AGBL1: variants seen among roughly 807,000 people sequenced by gnomAD.
AGBL1 encodes AGBL carboxypeptidase 1, also known as cytosolic carboxypeptidase 4.
A neutral mutation model predicts 118.9 loss-of-function variants in AGBL1; 130 were observed. The ratio of observed to expected loss-of-function variants is 1.09; its 90% CI spans 0.95 to 1.26. The LOEUF is 1.26. Among genes scored for constraint, AGBL1 ranks in the 50% most tolerant of loss-of-function variants. The probability of loss-of-function intolerance (pLI) is 0.00; values close to 1 mark genes in which losing one functional copy is unlikely to be tolerated. For missense variants in AGBL1, 1,584 were observed against 1,298.1 expected, an observed-to-expected ratio of 1.22 and a Z score of -3.38; for synonymous variants, 555 against 478.9, an observed-to-expected ratio of 1.16 and a Z score of -2.08.
chr15:86,675,789 C>A (rs1019623500), intron 22 of AGBL1, among the ~76,000 whole-genome samples: 3 of 152,078 alleles, frequency 2.0e-5, no homozygotes, highest in African/African-American at 7.2e-5. Context: ...TCTTTTTCCC[C>A]CTCTCTCCTC....
At chr15:86,922,297 T>C (rs927756659) in intron 23 of AGBL1, among the ~76,000 whole-genome samples, 2 of 152,186 alleles carry the variant, frequency 1.3e-5, no homozygotes, top group African/African-American at 4.8e-5. Context: ...AGAAACATGT[T>C]GTTATTTTTC....
At chr15:86,085,813 G>A (rs1361358981) in intron 1 of AGBL1, among the ~76,000 whole-genome samples, 1 of 152,180 alleles carries the variant, frequency 6.6e-6, no homozygotes, top group Non-Finnish European at 1.5e-5. Context: ...TATTTTAGGG[G>A]CAGCATTCAG....
In AGBL1 at chr15:86,779,465, A is replaced by T. The variant is rs371834789; in HGVS notation, c.3158+105029A>T. ...TTTATTCCCTGAAATCTCAGTGGGC[A>T]TTTGGATAGTTTCTAGTGGGGGACC... On this transcript the variant is annotated intron_variant, in intron 22 of 22. Coordinates refer to ENST00000614907, the MANE Select transcript of AGBL1 (RefSeq NM_001386094.1). Among the ~76,000 whole-genome samples, 48 of 152,332 alleles carry T rather than the reference A, an allele frequency of 3.2e-4. 1 individual carries two copies. The South Asian group carries it at 9.5e-3, about 30-fold the overall frequency.
At chr15:86,835,167 A>G (rs1030914460) in intron 22 of AGBL1, among the ~76,000 whole-genome samples, 2 of 152,128 alleles carry the variant, frequency 1.3e-5, no homozygotes, top group Non-Finnish European at 2.9e-5. Flanking sequence ...GGTGTATACT[A>G]TTTGATCCCC....
In AGBL1 at chr15:86,290,343, C is replaced by CTTT. The variant is rs559169172; in HGVS notation, c.2221-4897_2221-4895dup. Among the ~76,000 whole-genome samples, 100 of 134,334 alleles carry CTTT rather than the reference C, an allele frequency of 7.4e-4. 1 individual carries two copies. The South Asian group carries it at 0.022, about 29-fold the overall frequency. The allele number at this position is 134,334 out of a possible 152,430, so 88.1% of individuals were successfully genotyped here. ...GTGTCTTCAAGTCCTTCTTTTCTTT[C>CTTT]TTTTTTTTTTTTTTTTTCTATTTTT... On this transcript the variant is annotated intron_variant, in intron 16 of 22. Transcript: ENST00000614907.
intron 1 of AGBL1, chr15:86,086,395 G>T (rs1340796829): frequency 6.6e-6 from 1 of 152,132 alleles, no homozygotes; most frequent in Non-Finnish European, 1.5e-5. Flanking sequence ...AAAGTGGAGG[G>T]TTTGTGGGGT....
At chr15:86,937,186 A>G (rs1308181401) in intron 23 of AGBL1, among the ~76,000 whole-genome samples, 5 of 152,224 alleles carry the variant, frequency 3.3e-5, no homozygotes, top group African/African-American at 4.8e-5. Context: ...TAACGGGAAC[A>G]CTTATTCACT....
intron 1 of AGBL1, among the ~76,000 whole-genome samples, chr15:86,132,363 G>T (rs1305637128): frequency 6.6e-6 from 1 of 152,180 alleles, no homozygotes; most frequent in Non-Finnish European, 1.5e-5. Flanking sequence ...AGGGGATGAA[G>T]GTAGCAAGTG....
At chr15:86,652,396 C>G (rs2085388937) in intron 21 of AGBL1, among the ~76,000 whole-genome samples, 1 of 152,112 alleles carries the variant, frequency 6.6e-6, no homozygotes, top group African/African-American at 2.4e-5. Flanking sequence ...AAGAGCTAGG[C>G]TTTAATGTTC....
chr15:86,152,969 T>C (rs1597464219), intron 3 of AGBL1, among the ~76,000 whole-genome samples: 2 of 152,354 alleles, frequency 1.3e-5, no homozygotes, highest in African/African-American at 4.8e-5. Context: ...AGATACCATC[T>C]CATGCCAATT....
chr15:86,925,634 A>T (rs1340295593), intron 23 of AGBL1, among the ~76,000 whole-genome samples: 2 of 150,594 alleles, frequency 1.3e-5, no homozygotes, highest in Non-Finnish European at 3.0e-5. Flanking sequence ...TCCACCAAAT[A>T]GGTGCTGACA....
intron 23 of AGBL1, among the ~76,000 whole-genome samples, chr15:86,947,415 ATG>A (rs2080837597): frequency 6.6e-6 from 1 of 152,166 alleles, no homozygotes; most frequent in Non-Finnish European, 1.5e-5. Flanking sequence ...GGTAGATTTT[ATG>A]TCAGATATTT....
chr15:86,902,926 C>A (rs1405782382), intron 22 of AGBL1, among the ~76,000 whole-genome samples: 8 of 152,074 alleles, frequency 5.3e-5, no homozygotes, highest in Non-Finnish European at 8.8e-5. Context: ...TTCTAAGTTT[C>A]TTGTATCTGT....
chr15:86,785,302 C>T (rs1282026454), intron 22 of AGBL1, among the ~76,000 whole-genome samples: 4 of 150,708 alleles, frequency 2.7e-5, no homozygotes, highest in Admixed American at 2.6e-4. Flanking sequence ...CCGTCGGAAT[C>T]CTTTAGGACT....
intron 23 of AGBL1, among the ~76,000 whole-genome samples, chr15:86,964,761 T>G (rs917554642): frequency 3.3e-5 from 5 of 152,012 alleles, no homozygotes; most frequent in Non-Finnish European, 7.4e-5. Flanking sequence ...TAGGTATTTC[T>G]CCTAATGCTA....
At chr15:86,210,012 G>C (rs1004814447) in intron 5 of AGBL1, among the ~76,000 whole-genome samples, 1 of 152,090 alleles carries the variant, frequency 6.6e-6, no homozygotes, top group Non-Finnish European at 1.5e-5. Flanking sequence ...CAGGCCTGGT[G>C]GTGACAAAAT....
At chr15:86,456,510 A>C (rs1310338694) in intron 18 of AGBL1, among the ~76,000 whole-genome samples, 1 of 152,172 alleles carries the variant, frequency 6.6e-6, no homozygotes, top group Non-Finnish European at 1.5e-5. Flanking sequence ...TTGAGAAGAA[A>C]AACCTCTAAC....
In AGBL1 at chr15:86,247,685, A is replaced by C; in HGVS notation, c.541A>C (p.Arg181=). 6.2e-7 allele frequency: 1 copy of C among 1,608,150 alleles called. No individual in the cohort carries two copies. The highest frequency in any genetic ancestry group is 8.5e-7 in the Non-Finnish European group (1 of 1,177,320). Residue 181 remains arginine (R), a synonymous_variant, in exon 7 of 23, where the codon AGA becomes CGA. Coordinates refer to ENST00000614907, the MANE Select transcript of AGBL1 (RefSeq NM_001386094.1). ...ALLKSKSNGR[R]AVNRGYVTSL... is the part of the protein sequence containing the mutation. ...TTTGTTTTCAGAGTCGAACGGCCGC[A>C]GAGCAGTGAACCGAGGCTACGTCAC...
intron 5 of AGBL1, among the ~76,000 whole-genome samples, chr15:86,173,631 G>A (rs79223552): frequency 0.016 from 2,411 of 152,154 alleles, 27 homozygotes; most frequent in East Asian, 0.07. Context: ...GTGCCGAGAG[G>A]TAGGGGTCTA....
Sources: allele counts gnomAD v4.1 joint callset (sites outside exome capture counted in the v4.1 genomes callset), GRCh38; gene constraint gnomAD v4.1.1; transcripts MANE v1.5; gene names NCBI Gene and HGNC (gene_info 2026-07-23, HGNC 2026-07-21).